The following CRY2 variants were observed in gnomAD, a reference collection of about 807,000 sequenced individuals.
CRY2 encodes the protein cryptochrome circadian regulator 2, also known as cryptochrome-2.
In CRY2, 31 loss-of-function variants were observed where a neutral mutation model predicts 69.5. The observed-to-expected ratio is 0.45, with a 90% CI of 0.34 to 0.60. The LOEUF (loss-of-function observed/expected upper bound fraction) is 0.60. Ranked by LOEUF, CRY2 falls within the 20% of genes least tolerant of loss-of-function variation. The pLI is 0.02. For missense variants in CRY2, 606 were observed against 797.8 expected, an observed-to-expected ratio of 0.76 and a Z score of 2.90; for synonymous variants, 303 against 312.2, an observed-to-expected ratio of 0.97 and a Z score of 0.31.
At chr11:45,857,425 G>A (rs1401075922) in intron 2 of CRY2, among the ~76,000 whole-genome samples, 1 of 152,064 alleles carries the variant, frequency 6.6e-6, no homozygotes, top group African/African-American at 2.4e-5. Context: ...CCTCGACATT[G>A]CCCTTTTTCT....
rs766776238 is a variant in CRY2 at position 45,855,950 on chromosome 11, T to G, written c.216-32T>G. ...GAAAGAGAGCCACTCTTCATGATGTTATCACTAACAAGGCCTGTGTGGACT... is the reference window on the plus strand; with the variant it reads ...GAAAGAGAGCCACTCTTCATGATGTGATCACTAACAAGGCCTGTGTGGACT... On this transcript the variant is annotated intron_variant, in intron 1 of 11. Transcript: ENST00000616080. 4 of 1,548,506 alleles carry G rather than the reference T, an allele frequency of 2.6e-6. No individual in the cohort carries two copies. The South Asian group carries it at 4.5e-5, about 17-fold the overall frequency.
At chr11:45,880,228 C>G (rs2086460614) in intron 11 of CRY2, among the ~76,000 whole-genome samples, 1 of 152,224 alleles carries the variant, frequency 6.6e-6, no homozygotes, top group South Asian at 2.1e-4. Context: ...CTGTAGACTC[C>G]CAGACACACT....
At position 45,847,712 on chromosome 11, in the gene CRY2, G is replaced by T; in HGVS notation, c.215+7G>T. Reference sequence around the variant, plus strand: ...TCGGGATCAACCGATGGAGGTGAGGGGACCCGGGGCTGGGTGGCGGGGACG... The same window carrying T: ...TCGGGATCAACCGATGGAGGTGAGGTGACCCGGGGCTGGGTGGCGGGGACG... On this transcript the variant is annotated splice_region_variant and intron_variant, in intron 1 of 11. Transcript: ENST00000616080. 1 of 1,555,414 alleles carries T rather than the reference G, an allele frequency of 6.4e-7. No individual in the cohort carries two copies. Among genetic ancestry groups the T allele is most frequent in the South Asian group, 1.2e-5 (1 of 84,164 alleles).
chr11:45,848,260 T>G (rs918586042), intron 1 of CRY2, among the ~76,000 whole-genome samples: 2 of 152,160 alleles, frequency 1.3e-5, no homozygotes, highest in Non-Finnish European at 2.9e-5. Flanking sequence ...GACCCTGGCT[T>G]AGCATTAAAT....
chr11:45,856,282 A>C lies in CRY2; in HGVS notation c.324+192A>C. The C allele has an allele frequency of 5.4e-6, 3 of 556,862 alleles. No individual in the cohort carries two copies. The South Asian group carries it at 6.9e-5, about 13-fold the overall frequency. The allele number at this position is 556,862 out of a possible 1,614,324, so 34.5% of individuals were successfully genotyped here. On this transcript the variant is annotated intron_variant, in intron 2 of 11. Coordinates refer to ENST00000616080, the MANE Select transcript of CRY2 (RefSeq NM_021117.5). The stretch of plus-strand genomic sequence containing the variant: ...GAATGGAAACTGTGTTAAGGAAAAA[A>C]ATTCTGGGAAACCAGTGTCTTGTTG...
At chr11:45,852,853 T>G (rs61884510) in intron 1 of CRY2, among the ~76,000 whole-genome samples, 3,633 of 152,190 alleles carry the variant, frequency 0.024, 76 homozygotes, top group Non-Finnish European at 0.036. Flanking sequence ...ATTTTGGAGG[T>G]CTGGGTTAGA....
intron 1 of CRY2, among the ~76,000 whole-genome samples, chr11:45,847,979 C>G (rs1457527345): frequency 5.3e-5 from 8 of 152,348 alleles, no homozygotes; most frequent in Non-Finnish European, 8.8e-5. Flanking sequence ...CCCTTGAGCC[C>G]TGGAGACCCA....
chr11:45,868,104 G>A (rs2086345963), intron 6 of CRY2, among the ~76,000 whole-genome samples: 1 of 152,224 alleles, frequency 6.6e-6, no homozygotes, highest in African/African-American at 2.4e-5. Flanking sequence ...TGAGGCTGGA[G>A]CCAGTCTGAA....
At chr11:45,858,505 T>G (rs1031105824) in intron 2 of CRY2, 19 of 517,714 alleles carry the variant, frequency 3.7e-5, no homozygotes, top group Non-Finnish European at 5.8e-5. Flanking sequence ...CTCTCCCAAC[T>G]CCACTGTTGC....
At chr11:45,849,858 G>A (rs2086182798) in intron 1 of CRY2, among the ~76,000 whole-genome samples, 1 of 151,974 alleles carries the variant, frequency 6.6e-6, no homozygotes, top group Non-Finnish European at 1.5e-5. Context: ...CCTGACCTCA[G>A]GTGATCTGCC....
At chr11:45,874,219 G>T (rs868231029) in intron 11 of CRY2, among the ~76,000 whole-genome samples, 48 of 152,094 alleles carry the variant, frequency 3.2e-4, no homozygotes, top group African/African-American at 1.1e-3. Flanking sequence ...GGCAGAGGTT[G>T]CAGTGAGCCG....
chr11:45,851,785 A>G (rs2086200664), intron 1 of CRY2, among the ~76,000 whole-genome samples: 1 of 152,164 alleles, frequency 6.6e-6, no homozygotes, highest in South Asian at 2.1e-4. Flanking sequence ...GGAAAAATTA[A>G]TTTCTATTAA....
intron 3 of CRY2, among the ~76,000 whole-genome samples, chr11:45,859,815 G>A (rs1291121879): frequency 2.0e-5 from 3 of 152,026 alleles, no homozygotes; most frequent in South Asian, 2.1e-4. Context: ...GCCAGCAGCC[G>A]CCGCCGCTCC....
At chr11:45,847,126 C>G, upstream of CRY2, 5 of 1,483,012 alleles carry the variant, frequency 3.4e-6, no homozygotes, top group South Asian at 2.4e-5. Flanking sequence ...GCAGCTTCTT[C>G]TAGAAGCAGG....
In CRY2 at chr11:45,860,964, A is replaced by C. The variant is rs1425386475; in HGVS notation, c.584A>C (p.Glu195Ala). 6.2e-7 allele frequency: 1 copy of C among 1,614,114 alleles called. No individual in the cohort carries two copies. The highest frequency in any genetic ancestry group is 8.5e-7 in the Non-Finnish European group (1 of 1,180,044). ...GGCTTGGTGACCAGCCAGCAGATGG[A>C]GAGCTGCAGGGCCGAGATCCAGGAG... ...PVGLVTSQQM[E>A]SCRAEIQENH... Residue 195 changes from glutamate (E) to alanine (A), a missense_variant, in exon 4 of 12, where the codon GAG (glutamate) becomes GCG (alanine). By Grantham distance (107) the Glu-to-Ala change is moderately radical (BLOSUM62 -1). Around this residue, in one of 5 missense-constraint regions of CRY2, gnomAD observed 382 missense variants for 508.9 expected, o/e 0.75. Transcript: ENST00000616080.
intron 11 of CRY2, among the ~76,000 whole-genome samples, chr11:45,877,412 C>A (rs1378609845): frequency 6.6e-6 from 1 of 152,250 alleles, no homozygotes; most frequent in African/African-American, 2.4e-5. Flanking sequence ...CATGCCTGCA[C>A]ACGTGCATCC....
intron 5 of CRY2, among the ~76,000 whole-genome samples, chr11:45,865,201 G>GA (rs1050387841): frequency 2.6e-5 from 4 of 151,854 alleles, no homozygotes; most frequent in African/African-American, 9.7e-5. Context: ...TGCCAAAATA[G>GA]AAAAATGTAA....
At chr11:45,847,274 C>T (rs1335156973), upstream of CRY2, 1 of 1,551,632 alleles carries the variant, frequency 6.4e-7, no homozygotes, top group Non-Finnish European at 8.7e-7. Context: ...CGGGCGGACC[C>T]ACACATGGTA....
Position 45,869,773 on chromosome 11 carries a change from C to T in CRY2, c.1150C>T (p.Leu384=), listed in dbSNP as rs761185438. 3.9e-5 allele frequency: 63 copies of T among 1,613,146 alleles called. No homozygotes were observed. In the Admixed American group the frequency reaches 7.8e-4, roughly 20 times the overall value. Reference sequence around the variant, plus strand: ...GGCCCGGCATGCCGTGGCCTGCTTCCTGACCCGCGGGGACCTCTGGGTCAG... The same window carrying T: ...GGCCCGGCATGCCGTGGCCTGCTTCTTGACCCGCGGGGACCTCTGGGTCAG... The part of the protein sequence containing the change: ...HLARHAVACF[L]TRGDLWVSWE... The change falls in exon 7 of 12, where the codon CTG becomes TTG. Residue 384 remains leucine (L), a synonymous_variant. Coordinates refer to ENST00000616080, the MANE Select transcript of CRY2 (RefSeq NM_021117.5).
Sources: gnomAD v4.1 joint callset for allele counts (sites outside exome capture counted in the v4.1 genomes callset) on GRCh38, gnomAD v4.1.1 for gene constraint, gnomAD v4.1.1 regional missense constraint, MANE v1.5 for transcripts, NCBI Gene and HGNC (gene_info 2026-07-23, HGNC 2026-07-21) for gene names.